Variants in IPO11 observed in about 807,000 individuals in gnomAD.
IPO11 encodes importin 11.
IPO11 carries 66 observed loss-of-function variants against 143.2 expected under a neutral mutation model. The observed-to-expected ratio is 0.46, with a 90% CI of 0.38 to 0.57. IPO11 has a LOEUF of 0.57. Among genes scored for constraint, IPO11 ranks in the 20% least tolerant of loss-of-function variants. IPO11 has a pLI of 0.00. For missense variants in IPO11, 1,026 were observed against 1,141.0 expected (o/e 0.90, Z 1.45); for synonymous variants, 385 against 377.8 (o/e 1.02, Z -0.22).
chr5:62,607,372 G>A (rs1464162445), intron 29 of IPO11, among the ~76,000 whole-genome samples: 1 of 152,028 alleles, frequency 6.6e-6, no homozygotes, highest in Non-Finnish European at 1.5e-5. Context: ...GGCTTGGGGT[G>A]GGAGTTTTTA....
At chr5:62,579,868 G>A in intron 27 of IPO11, 1 of 1,549,728 alleles carries the variant, frequency 6.5e-7, no homozygotes. Flanking sequence ...GTATAATCAG[G>A]TATCTTTTGT....
At chr5:62,451,256 C>T (rs1221313611) in intron 4 of IPO11, among the ~76,000 whole-genome samples, 1 of 152,082 alleles carries the variant, frequency 6.6e-6, no homozygotes, top group East Asian at 1.9e-4. Flanking sequence ...TTGATATTTA[C>T]TGTATTATAA....
At chr5:62,572,984 C>A (rs1245687767) in intron 27 of IPO11, among the ~76,000 whole-genome samples, 1 of 152,110 alleles carries the variant, frequency 6.6e-6, no homozygotes, top group African/African-American at 2.4e-5. Flanking sequence ...AACCTCCTAT[C>A]GTAAATTATA....
chr5:62,517,425 G>A (rs548516457), intron 20 of IPO11, among the ~76,000 whole-genome samples: 2 of 152,142 alleles, frequency 1.3e-5, no homozygotes, highest in East Asian at 1.9e-4. Flanking sequence ...TTTTTGAGAC[G>A]GAGTTTCGCT....
intron 1 of IPO11, among the ~76,000 whole-genome samples, chr5:62,419,454 G>T (rs1359501715): frequency 1.3e-5 from 2 of 152,160 alleles, no homozygotes; most frequent in Non-Finnish European, 2.9e-5. Flanking sequence ...GTTCTACGTT[G>T]TTTAAAACAG....
intron 24 of IPO11, among the ~76,000 whole-genome samples, chr5:62,545,454 T>C (rs1025507605): frequency 6.6e-6 from 1 of 152,154 alleles, no homozygotes; most frequent in Non-Finnish European, 1.5e-5. Context: ...TAATTCAAGA[T>C]GGATTAAAGA....
At chr5:62,529,284 A>C (rs779098188) in intron 21 of IPO11, among the ~76,000 whole-genome samples, 1 of 152,138 alleles carries the variant, frequency 6.6e-6, no homozygotes, top group Non-Finnish European at 1.5e-5. Context: ...AGTATCAGCT[A>C]TATCTTATTA....
chr5:62,535,545 G>T (rs575040917), intron 22 of IPO11, among the ~76,000 whole-genome samples: 315 of 151,972 alleles, frequency 2.1e-3, no homozygotes, highest in African/African-American at 7.2e-3. Flanking sequence ...ACAGTTTTTG[G>T]TTTTTTTATG....
intron 2 of IPO11, among the ~76,000 whole-genome samples, chr5:62,438,938 A>T (rs1744341415): frequency 6.6e-6 from 1 of 151,964 alleles, no homozygotes; most frequent in African/African-American, 2.4e-5. Flanking sequence ...GGGCGCCTGT[A>T]GTCCCAGCTA....
chr5:62,427,262 GTTTGCAGGT>G (rs1743790216), intron 1 of IPO11, among the ~76,000 whole-genome samples: 1 of 152,014 alleles, frequency 6.6e-6, no homozygotes, highest in Non-Finnish European at 1.5e-5. Context: ...ACAAGCAGGA[GTTTGCAGGT>G]TTTTTGAAAA....
chr5:62,546,983 C>A (rs904574841), intron 24 of IPO11, among the ~76,000 whole-genome samples: 1 of 151,900 alleles, frequency 6.6e-6, no homozygotes, highest in Non-Finnish European at 1.5e-5. Flanking sequence ...GAGTTTGGAA[C>A]CATGTAGAGG....
intron 21 of IPO11, 40 bp downstream of exon 21, chr5:62,526,297 C>A: frequency 1.4e-6 from 2 of 1,381,466 alleles, no homozygotes; most frequent in South Asian, 1.2e-5. Flanking sequence ...TTATTTTATT[C>A]GTGACCTTTC....
At chr5:62,515,338 C>T in intron 19 of IPO11, 50 bp from the exon 20 acceptor site, 5 of 1,243,884 alleles carry the variant, frequency 4.0e-6, no homozygotes, top group Non-Finnish European at 5.7e-6. Flanking sequence ...AAGTAAATTG[C>T]CTTCTTTACC....
chr5:62,535,728 A>G (rs1271517002), intron 22 of IPO11, among the ~76,000 whole-genome samples: 1 of 152,178 alleles, frequency 6.6e-6, no homozygotes, highest in African/African-American at 2.4e-5. Flanking sequence ...ACATCTGAAT[A>G]GAATGTCTTC....
chr5:62,615,382 A>G (rs1366270844), intron 29 of IPO11, among the ~76,000 whole-genome samples: 4 of 152,214 alleles, frequency 2.6e-5, no homozygotes. Flanking sequence ...AGATTTTGCA[A>G]GTATAATTAT....
At chr5:62,627,111 G>A in intron 29 of IPO11, 43 bp from the exon 30 acceptor site, 1 of 1,550,312 alleles carries the variant, frequency 6.5e-7, no homozygotes, top group South Asian at 1.2e-5. Flanking sequence ...GGAGAGACTT[G>A]TTTTGCTTTT....
chr5:62,618,753 A>G (rs1490159177), intron 29 of IPO11, among the ~76,000 whole-genome samples: 3 of 152,180 alleles, frequency 2.0e-5, no homozygotes, highest in Admixed American at 6.5e-5. Context: ...ATAACCACGG[A>G]ACAAAAAATT....
At chr5:62,508,956 A>G (rs1741656487) in intron 19 of IPO11, among the ~76,000 whole-genome samples, 1 of 152,244 alleles carries the variant, frequency 6.6e-6, no homozygotes, top group South Asian at 2.1e-4. Context: ...CTATGCAGCC[A>G]TAAAGAAGGA....
intron 28 of IPO11, among the ~76,000 whole-genome samples, chr5:62,594,795 G>A (rs1461142588): frequency 6.6e-6 from 1 of 152,138 alleles, no homozygotes. Flanking sequence ...ACCTAGAAGG[G>A]GAGACAGGGA....
Sources: allele counts gnomAD v4.1 joint callset (sites outside exome capture counted in the v4.1 genomes callset), GRCh38; gene constraint gnomAD v4.1.1; transcripts MANE v1.5; gene names NCBI Gene and HGNC (gene_info 2026-07-23, HGNC 2026-07-21).